ATP10A: variants seen among roughly 807,000 people sequenced by gnomAD.
ATP10A encodes ATPase phospholipid transporting 10A (putative), also known as phospholipid-transporting ATPase VA.
Under a neutral mutation model 147.8 loss-of-function variants are expected in ATP10A, and 111 were observed. The observed-to-expected ratio is 0.75, with a 90% CI of 0.64 to 0.88. The LOEUF is 0.88. Among genes scored for constraint, ATP10A ranks in the 40% least tolerant of loss-of-function variants. ATP10A has a pLI of 0.00. For missense variants in ATP10A, 1,927 were observed against 1,959.0 expected, an observed-to-expected ratio of 0.98 and a Z score of 0.31; for synonymous variants, 875 against 841.6, an observed-to-expected ratio of 1.04 and a Z score of -0.69.
At chr15:25,747,776 A>G (rs1484878025) in intron 2 of ATP10A, among the ~76,000 whole-genome samples, 1 of 152,216 alleles carries the variant, frequency 6.6e-6, no homozygotes, top group African/African-American at 2.4e-5. Context: ...TCAGATTCAG[A>G]TGGCTTCACC....
At chr15:25,729,725 G>C (rs1395924441) in intron 3 of ATP10A, among the ~76,000 whole-genome samples, 3 of 152,144 alleles carry the variant, frequency 2.0e-5, no homozygotes, top group African/African-American at 7.2e-5. Context: ...AGGTAGCCCG[G>C]CCTTCCGGCC....
At chr15:25,714,288 C>T (rs1901641428) in intron 9 of ATP10A, 47 bp from the exon 10 acceptor site, 3 of 1,562,868 alleles carry the variant, frequency 1.9e-6, no homozygotes, top group African/African-American at 2.7e-5. Context: ...TGCTATGTCC[C>T]CCAGAGGCCC....
chr15:25,752,301 T>C (rs528110866), intron 2 of ATP10A, among the ~76,000 whole-genome samples: 1 of 152,320 alleles, frequency 6.6e-6, no homozygotes, highest in East Asian at 1.9e-4. Flanking sequence ...AGATACACAA[T>C]GAAATACTAT....
chr15:25,747,763 A>G (rs1887924270), intron 2 of ATP10A, among the ~76,000 whole-genome samples: 1 of 152,190 alleles, frequency 6.6e-6, no homozygotes, highest in Non-Finnish European at 1.5e-5. Flanking sequence ...TGCAAAAAAC[A>G]CTTCAGATTC....
At chr15:25,849,727 C>T (rs1893196009) in intron 1 of ATP10A, among the ~76,000 whole-genome samples, 1 of 152,160 alleles carries the variant, frequency 6.6e-6, no homozygotes, top group Admixed American at 6.5e-5. Context: ...TCTCTGTCAG[C>T]ATGGCCTCCT....
intron 1 of ATP10A, among the ~76,000 whole-genome samples, chr15:25,801,994 G>A (rs1417556315): frequency 6.6e-6 from 1 of 152,154 alleles, no homozygotes; most frequent in Non-Finnish European, 1.5e-5. Context: ...CGGAGAACAC[G>A]AGATCTGCAG....
chr15:25,749,188 A>G (rs1888019115), intron 2 of ATP10A, among the ~76,000 whole-genome samples: 3 of 152,162 alleles, frequency 2.0e-5, no homozygotes, highest in South Asian at 2.1e-4. Flanking sequence ...TATATTTACT[A>G]CATGTAAACA....
intron 6 of ATP10A, 133 bp downstream of exon 6, chr15:25,723,758 G>T (rs955071169): frequency 8.6e-5 from 62 of 720,402 alleles, no homozygotes; most frequent in Non-Finnish European, 1.1e-4. Context: ...AAAATAAAAG[G>T]CAGAACTCCA....
chr15:25,730,136 C>CA (rs765379278), intron 3 of ATP10A, among the ~76,000 whole-genome samples: 2,548 of 100,746 alleles, frequency 0.025, 47 homozygotes, highest in African/African-American at 0.059. Context: ...ACTAAAAATA[C>CA]AAAAAAAAAA....
intron 17 of ATP10A, among the ~76,000 whole-genome samples, chr15:25,681,642 C>T (rs1394483364): frequency 6.6e-6 from 1 of 151,830 alleles, no homozygotes; most frequent in African/African-American, 2.4e-5. Context: ...AGACGCGAGG[C>T]CCCAGAGGCC....
chr15:25,767,305 C>A (rs1889078847), intron 2 of ATP10A, among the ~76,000 whole-genome samples: 1 of 152,146 alleles, frequency 6.6e-6, no homozygotes, highest in Non-Finnish European at 1.5e-5. Context: ...GAAGGGGGTG[C>A]CATGCAAGGC....
intron 1 of ATP10A, among the ~76,000 whole-genome samples, chr15:25,826,035 A>T (rs1056801926): frequency 1.3e-5 from 2 of 152,222 alleles, no homozygotes; most frequent in African/African-American, 4.8e-5. Flanking sequence ...AATAAATGAA[A>T]TAAAAATTTG....
At chr15:25,802,659 C>A (rs1050389867) in intron 1 of ATP10A, among the ~76,000 whole-genome samples, 2 of 152,252 alleles carry the variant, frequency 1.3e-5, no homozygotes, top group East Asian at 3.9e-4. Flanking sequence ...TGCCTCAGCT[C>A]ACGGCCGGCC....
At chr15:25,852,010 C>G (rs966211136) in intron 1 of ATP10A, among the ~76,000 whole-genome samples, 8 of 152,204 alleles carry the variant, frequency 5.3e-5, no homozygotes, top group African/African-American at 1.7e-4. Flanking sequence ...TGAGTTGCAA[C>G]TAAACTTTTC....
chr15:25,774,718 T>A (rs1474136860), intron 2 of ATP10A, among the ~76,000 whole-genome samples: 1 of 152,126 alleles, frequency 6.6e-6, no homozygotes, highest in Non-Finnish European at 1.5e-5. Flanking sequence ...CGGGCCAAAC[T>A]TATATTGCCA....
At chr15:25,792,742 C>T (rs1161243173) in intron 1 of ATP10A, among the ~76,000 whole-genome samples, 1 of 152,098 alleles carries the variant, frequency 6.6e-6, no homozygotes, top group East Asian at 1.9e-4. Context: ...TTTGGAATGT[C>T]AATTTTGTTG....
rs1273402524 is a variant in ATP10A at position 25,736,056 on chromosome 15, A to G, written c.740T>C (p.Ile247Thr). The G allele has an allele frequency of 3.1e-6, 5 of 1,612,380 alleles. No homozygotes were observed. Among genetic ancestry groups the G allele is most frequent in the South Asian group, 2.2e-5 (2 of 91,034 alleles). Residue 247 changes from isoleucine to threonine, a missense_variant and splice_region_variant, in exon 3 of 21, where the codon ATC (isoleucine) becomes ACC (threonine). Coordinates refer to ENST00000555815, the MANE Select transcript of ATP10A (RefSeq NM_024490.4). ...NNDLSRFRGC[I>T]IHDNGKKAGL... ...GCGCAGGCAGACACACGATACTCAC[A>G]TGCAGCCGCGAAACCTACTCAGGTC... is the stretch of plus-strand genomic sequence containing the variant.
intron 13 of ATP10A, among the ~76,000 whole-genome samples, chr15:25,698,345 C>G (rs1900466483): frequency 6.6e-6 from 1 of 152,178 alleles, no homozygotes; most frequent in Non-Finnish European, 1.5e-5. Flanking sequence ...GGAGAATAGA[C>G]ACGACCAAGG....
intron 2 of ATP10A, among the ~76,000 whole-genome samples, chr15:25,753,206 G>C (rs1011045470): frequency 3.3e-5 from 5 of 151,732 alleles, no homozygotes; most frequent in Non-Finnish European, 5.9e-5. Flanking sequence ...TATTCCTCCT[G>C]TCTGAGATTT....
Sources: allele counts gnomAD v4.1 joint callset (sites outside exome capture counted in the v4.1 genomes callset), GRCh38; gene constraint gnomAD v4.1.1; transcripts MANE v1.5; gene names NCBI Gene and HGNC (gene_info 2026-07-23, HGNC 2026-07-21).